SDCCAG8: variants seen among roughly 807,000 people sequenced by gnomAD.
SDCCAG8 encodes SHH signaling and ciliogenesis regulator SDCCAG8, also known as serologically defined colon cancer antigen 8.
Under a neutral mutation model 101.8 loss-of-function variants are expected in SDCCAG8, and 74 were observed. That is an observed-to-expected ratio of 0.73 (90% confidence interval 0.60 to 0.88). SDCCAG8 has a LOEUF of 0.88. SDCCAG8 is among the 40% of genes least tolerant of loss of function. The pLI, the probability that SDCCAG8 is intolerant of heterozygous loss-of-function variation, is 0.00. For missense variants in SDCCAG8, 787 were observed against 822.6 expected (o/e 0.96, Z 0.53); for synonymous variants, 281 against 292.9 (o/e 0.96, Z 0.41).
At chr1:243,377,410 A>G (rs1242634830) in intron 12 of SDCCAG8, among the ~76,000 whole-genome samples, 1 of 152,000 alleles carries the variant, frequency 6.6e-6, no homozygotes, top group Non-Finnish European at 1.5e-5. Context: ...TATTTTAAAG[A>G]AATAAGTCAG....
chr1:243,487,809 TC>T (rs1426335735), intron 16 of SDCCAG8: 2 of 152,178 alleles, frequency 1.3e-5, no homozygotes, highest in Admixed American at 6.5e-5. Context: ...TGCTCCCGCC[TC>T]CCCCGGCACA....
chr1:243,300,242 AT>A (rs1487467624), intron 6 of SDCCAG8, among the ~76,000 whole-genome samples: 2 of 152,034 alleles, frequency 1.3e-5, no homozygotes, highest in African/African-American at 4.8e-5. Flanking sequence ...TATTCACTTG[AT>A]TGCTCACTTC....
intron 16 of SDCCAG8, among the ~76,000 whole-genome samples, chr1:243,480,171 G>T (rs559479205): frequency 6.6e-6 from 1 of 150,580 alleles, no homozygotes; most frequent in Non-Finnish European, 1.5e-5. Flanking sequence ...TAGCTGTTGC[G>T]GGGAGTATGG....
intron 9 of SDCCAG8, among the ~76,000 whole-genome samples, chr1:243,322,777 C>A (rs2073858638): frequency 6.6e-6 from 1 of 151,382 alleles, no homozygotes; most frequent in Non-Finnish European, 1.5e-5. Flanking sequence ...GGCCCAATCA[C>A]ACTTTTTTTT....
intron 12 of SDCCAG8, among the ~76,000 whole-genome samples, chr1:243,376,378 G>A (rs2077596969): frequency 6.6e-6 from 1 of 152,184 alleles, no homozygotes; most frequent in Admixed American, 6.6e-5. Context: ...AAAAGTGCCA[G>A]AGCTGTGTCT....
chr1:243,256,735 CGT>C (rs1325151019), intron 1 of SDCCAG8, among the ~76,000 whole-genome samples: 3 of 152,196 alleles, frequency 2.0e-5, no homozygotes, highest in Admixed American at 2.0e-4. Flanking sequence ...TTACACCAAT[CGT>C]GTGAATATTT....
chr1:243,484,203 T>G (rs1664328788), intron 16 of SDCCAG8, among the ~76,000 whole-genome samples: 1 of 152,262 alleles, frequency 6.6e-6, no homozygotes, highest in South Asian at 2.1e-4. Context: ...CCATATTTGC[T>G]GGTTTGGCTA....
At chr1:243,425,523 A>G (rs1460763869) in intron 15 of SDCCAG8, among the ~76,000 whole-genome samples, 1 of 152,060 alleles carries the variant, frequency 6.6e-6, no homozygotes, top group Non-Finnish European at 1.5e-5. Context: ...TTTGAAGGGA[A>G]TTAATTTTAT....
chr1:243,457,147 T>TA (rs1210668942), intron 16 of SDCCAG8, among the ~76,000 whole-genome samples: 1 of 152,162 alleles, frequency 6.6e-6, no homozygotes, highest in Non-Finnish European at 1.5e-5. Context: ...CCTTATTTTG[T>TA]AAAAAAATAA....
At chr1:243,344,682 A>G (rs560470071) in intron 12 of SDCCAG8, among the ~76,000 whole-genome samples, 3 of 152,350 alleles carry the variant, frequency 2.0e-5, no homozygotes, top group African/African-American at 4.8e-5. Context: ...CTTGAATCCA[A>G]TTTTAAATGA....
At chr1:243,378,193 A>G (rs1221809416) in intron 12 of SDCCAG8, among the ~76,000 whole-genome samples, 1 of 150,226 alleles carries the variant, frequency 6.7e-6, no homozygotes, top group Admixed American at 6.6e-5. Context: ...TTCCTGGATT[A>G]TTTTTTCCAA....
At chr1:243,430,595 C>T (rs1038468273) in intron 16 of SDCCAG8, among the ~76,000 whole-genome samples, 24 of 151,968 alleles carry the variant, frequency 1.6e-4, no homozygotes, top group Non-Finnish European at 3.1e-4. Context: ...CCCACCACCA[C>T]GCCCGGCTAA....
intron 1 of SDCCAG8, among the ~76,000 whole-genome samples, chr1:243,259,974 C>T (rs910496718): frequency 6.6e-6 from 1 of 152,196 alleles, no homozygotes; most frequent in Non-Finnish European, 1.5e-5. Flanking sequence ...ATCCTTGCCT[C>T]ATTTTGACCT....
At chr1:243,441,909 G>A (rs537141715) in intron 16 of SDCCAG8, among the ~76,000 whole-genome samples, 10 of 152,226 alleles carry the variant, frequency 6.6e-5, no homozygotes, top group African/African-American at 2.2e-4. Context: ...AATAACAGAA[G>A]AAATCTTTAT....
At chr1:243,366,845 GTATA>G (rs1031003440) in intron 12 of SDCCAG8, among the ~76,000 whole-genome samples, 3 of 151,900 alleles carry the variant, frequency 2.0e-5, no homozygotes, top group African/African-American at 7.2e-5. Context: ...GTATATGTAG[GTATA>G]TATACATGTA....
intron 16 of SDCCAG8, among the ~76,000 whole-genome samples, chr1:243,476,954 G>C (rs989021036): frequency 1.5e-4 from 23 of 151,746 alleles, no homozygotes; most frequent in African/African-American, 4.4e-4. Context: ...TAGCATATAA[G>C]ATAAAAGGGC....
chr1:243,340,952 A>G lies in SDCCAG8; in HGVS notation c.1222-87A>G, dbSNP rs183657717. 3.8e-5 allele frequency: 52 copies of G among 1,362,280 alleles called. No homozygotes were observed. In the African/African-American group the frequency reaches 5.9e-4, roughly 15 times the overall value. The allele number at this position is 1,362,280 out of a possible 1,614,324, so 84.4% of individuals were successfully genotyped here. A position where few individuals can be genotyped will look rare whatever the true frequency, so the allele number is the denominator to read the frequency against. The stretch of plus-strand genomic sequence containing the variant: ...AAATGGCTCACAGAGCCCAGTGACT[A>G]TGCTGAGACGCTATTAATTCAAGAA... On this transcript the variant is annotated intron_variant, in intron 10 of 17. Coordinates refer to ENST00000366541, the MANE Select transcript of SDCCAG8 (RefSeq NM_006642.5).
At chr1:243,422,732 A>G (rs113685081) in intron 15 of SDCCAG8, among the ~76,000 whole-genome samples, 2,787 of 152,324 alleles carry the variant, frequency 0.018, 39 homozygotes, top group African/African-American at 0.036. Flanking sequence ...TCAAACTAGA[A>G]CCTAAAAGAA....
intron 16 of SDCCAG8, among the ~76,000 whole-genome samples, chr1:243,463,111 A>G (rs1659460032): frequency 1.3e-5 from 2 of 152,202 alleles, no homozygotes; most frequent in Admixed American, 1.3e-4. Context: ...CTTTCATTCA[A>G]CAGCTGCATG....
Sources: allele counts gnomAD v4.1 joint callset (sites outside exome capture counted in the v4.1 genomes callset), GRCh38; gene constraint gnomAD v4.1.1; transcripts MANE v1.5; gene names NCBI Gene and HGNC (gene_info 2026-07-23, HGNC 2026-07-21).